TLE6: variants seen among roughly 807,000 people sequenced by gnomAD.
TLE6 encodes TLE family member 6, subcortical maternal complex member, also known as transducin-like enhancer protein 6.
TLE6 carries 72 observed loss-of-function variants against 77.1 expected under a neutral mutation model. The observed-to-expected ratio is 0.93, with a 90% CI of 0.77 to 1.14. TLE6 has a LOEUF of 1.14. Among genes scored for constraint, TLE6 ranks in the 50% most tolerant of loss-of-function variants. The pLI, the probability that TLE6 is intolerant of heterozygous loss-of-function variation, is 0.00. For missense variants in TLE6, 843 were observed against 747.6 expected (o/e 1.13, Z -1.49); for synonymous variants, 366 against 287.3 (o/e 1.27, Z -2.77).
chr19:2,984,837 A>G (rs563383548), intron 5 of TLE6, among the ~76,000 whole-genome samples: 5 of 152,230 alleles, frequency 3.3e-5, no homozygotes, highest in Admixed American at 2.6e-4. Flanking sequence ...TATTATTCCA[A>G]TTCTACTTGT....
chr19:2,988,645 G>C (rs1046809134), intron 11 of TLE6, among the ~76,000 whole-genome samples: 2 of 152,126 alleles, frequency 1.3e-5, no homozygotes, highest in African/African-American at 2.4e-5. Flanking sequence ...CCAACACTGG[G>C]CTCAAGGCAT....
At position 2,987,150 on chromosome 19, in the gene TLE6, G is replaced by A. The variant is rs778165067; in HGVS notation, c.453G>A (p.Glu151=). The part of the protein sequence containing the change: ...QPETQLFWDK[E]PWFWHDTLTE... ...AGACCCAGCTGTTCTGGGACAAGGA[G>A]CCTTGGTTTTGGCACGACACTCTGA... The change falls in exon 7 of 17, where the codon GAG becomes GAA. Residue 151 remains glutamate (E), a synonymous_variant. Coordinates refer to ENST00000246112, the MANE Select transcript of TLE6 (RefSeq NM_001143986.2). 6.2e-6 allele frequency: 10 copies of A among 1,614,090 alleles called. No homozygotes were observed. Among genetic ancestry groups the A allele is most frequent in the Non-Finnish European group, 8.5e-6 (10 of 1,180,040 alleles).
intron 13 of TLE6, among the ~76,000 whole-genome samples, chr19:2,991,600 GCAAGGGGAGGCCTAGGTGAGGC>G (rs566687307): frequency 0.03 from 4,577 of 150,682 alleles, 93 homozygotes; most frequent in Non-Finnish European, 0.047. Context: ...GGTGGAAGAG[GCAAGGGGAGGCCTAGGTGAGGC>G]CAAGGGGAGG....
rs369766984 is a variant in TLE6, at chr19:2,991,376, G to GTATATATATA, written c.1245-456_1245-447dup. ...TCCATTTCAAAAAAAAAAAAAATAC[G>GTATATATATA]TATATATATATATATATATACACAC... On this transcript the variant is annotated intron_variant, in intron 13 of 16. Coordinates refer to ENST00000246112, the MANE Select transcript of TLE6 (RefSeq NM_001143986.2). Among the ~76,000 whole-genome samples, 247 of 105,504 alleles carry GTATATATATA rather than the reference G, an allele frequency of 2.3e-3. 1 individual carries two copies. Among genetic ancestry groups the GTATATATATA allele is most frequent in the East Asian group, 0.011 (37 of 3,284 alleles). The allele number at this position is 105,504 out of a possible 152,430, so 69.2% of individuals were successfully genotyped here.
chr19:2,992,470 C>G (rs1431918700), intron 14 of TLE6, among the ~76,000 whole-genome samples: 1 of 151,944 alleles, frequency 6.6e-6, no homozygotes, highest in Non-Finnish European at 1.5e-5. Flanking sequence ...GAAACTCTGT[C>G]TCAAAAACAA....
At chr19:2,979,568 G>A (rs1876867966) in intron 2 of TLE6, among the ~76,000 whole-genome samples, 1 of 151,802 alleles carries the variant, frequency 6.6e-6, no homozygotes, top group Admixed American at 6.6e-5. Flanking sequence ...AAAATATTTT[G>A]TGCTTCTATT....
intron 5 of TLE6, among the ~76,000 whole-genome samples, chr19:2,982,594 A>C (rs1450313771): frequency 2.0e-5 from 3 of 148,640 alleles, no homozygotes; most frequent in Admixed American, 6.8e-5. Context: ...GACGAGGGGT[A>C]GGTCATGCTG....
intron 11 of TLE6, 93 bp from the exon 12 acceptor site, chr19:2,988,968 G>A (rs2088977695): frequency 1.3e-6 from 2 of 1,540,952 alleles, no homozygotes; most frequent in Non-Finnish European, 8.7e-7. Flanking sequence ...CCCAAAATCT[G>A]AAAAAGAAGC....
intron 2 of TLE6, among the ~76,000 whole-genome samples, 183 bp from the exon 3 acceptor site, chr19:2,979,917 T>G (rs563463384): frequency 1.1e-4 from 17 of 149,814 alleles, no homozygotes; most frequent in African/African-American, 3.7e-4. Flanking sequence ...TGAGCTGAGA[T>G]TGTGCCACTG....
chr19:2,987,720 C>A lies in TLE6; in HGVS notation c.559-4C>A. The A allele has an allele frequency of 6.2e-7, 1 of 1,614,124 alleles. No homozygotes were observed. Among genetic ancestry groups the A allele is most frequent in the Non-Finnish European group, 8.5e-7 (1 of 1,180,004 alleles). ...AGGCCTGATGAGACTTTTCCATTTT[C>A]CAGGGGCAGGAAAGCAAGGCACCAG... On this transcript the variant is annotated splice_polypyrimidine_tract_variant and splice_region_variant and intron_variant, in intron 8 of 16. Coordinates refer to ENST00000246112, the MANE Select transcript of TLE6 (RefSeq NM_001143986.2).
In TLE6 at chr19:2,987,240, TGA is replaced by T. The variant is rs779674054; in HGVS notation, c.541+4_541+5del. The T allele has an allele frequency of 2.5e-6, 4 of 1,614,032 alleles. No homozygotes were observed. Among genetic ancestry groups the T allele is most frequent in the Non-Finnish European group, 8.5e-7 (1 of 1,179,964 alleles). On this transcript the variant is annotated splice_donor_region_variant and intron_variant, in intron 7 of 16. Coordinates refer to ENST00000246112, the MANE Select transcript of TLE6 (RefSeq NM_001143986.2). ...AGAAGGCAAAGCCCAGAGACAGACG[TGA>T]GTGTCCCTGAGGGTGAGGGGGAAGG...
chr19:2,989,661 C>T lies in TLE6; in HGVS notation c.1120C>T (p.Gln374Ter), dbSNP rs756327021. ...GGCGCCCTCCCTGCATGTGAAGGAG[C>T]AGTTGCCCTGTGCAGGTCTCAACTG... ...LAAPSLHVKEQLPCAGLNCQA... is the reference protein window; with the variant it reads ...LAAPSLHVKE The change falls in exon 13 of 17, where the codon CAG becomes TAG. Residue 374 changes from glutamine to a stop codon, truncating the protein, a stop_gained. Transcript: ENST00000246112. LOFTEE classifies it high-confidence loss of function. 9.9e-6 allele frequency: 16 copies of T among 1,614,122 alleles called. No individual in the cohort carries two copies. The highest frequency in any genetic ancestry group is 4.0e-5 in the African/African-American group (3 of 74,956).
intron 5 of TLE6, among the ~76,000 whole-genome samples, chr19:2,983,441 A>G (rs2088840361): frequency 6.6e-6 from 1 of 152,032 alleles, no homozygotes; most frequent in East Asian, 1.9e-4. Context: ...GGCATGCGAG[A>G]AGGTGACATC....
chr19:2,981,717 T>A, intron 4 of TLE6, 134 bp downstream of exon 4: 1 of 985,332 alleles, frequency 1.0e-6, no homozygotes, highest in East Asian at 2.6e-5. Context: ...ACGCCTGTAA[T>A]CCCAGCACTA....
Position 2,993,533 on chromosome 19 carries a change from G to A in TLE6, c.1488G>A (p.Met496Ile), listed in dbSNP as rs2089134331. The part of the protein sequence containing the change: ...LQSTSGSQRH[M>I]VGQKDSVILS... ...GCACCAGCGGGAGCCAGCGGCACAT[G>A]GTGGGGCAAAAAGACAGCGTCATCC... The change falls in exon 15 of 17, where the codon ATG becomes ATA. Residue 496 changes from methionine (M) to isoleucine (I), a missense_variant. Coordinates refer to ENST00000246112, the MANE Select transcript of TLE6 (RefSeq NM_001143986.2). The A allele has an allele frequency of 4.4e-6, 7 of 1,589,654 alleles. No homozygotes were observed. Among genetic ancestry groups the A allele is most frequent in the African/African-American group, 1.3e-5 (1 of 74,220 alleles).
chr19:2,978,362 A>T (rs2088722382), intron 2 of TLE6, 78 bp downstream of exon 2: 1 of 1,466,210 alleles, frequency 6.8e-7, no homozygotes, highest in Admixed American at 2.0e-5. Context: ...TCCACCTGTG[A>T]CCTGGGCTGG....
At position 2,991,006 on chromosome 19, in the gene TLE6, T is replaced by TTACATACA. The variant is rs200186447; in HGVS notation, c.1245-806_1245-799dup. 2.8e-3 allele frequency among the ~76,000 whole-genome samples: 292 copies of TTACATACA among 103,164 alleles called. 1 individual carries two copies. The highest frequency in any genetic ancestry group is 3.6e-3 in the African/African-American group (102 of 28,478). The allele number at this position is 103,164 out of a possible 152,430, so 67.7% of individuals were successfully genotyped here. On this transcript the variant is annotated intron_variant, in intron 13 of 16. Coordinates refer to ENST00000246112, the MANE Select transcript of TLE6 (RefSeq NM_001143986.2). ...TGAGACTCTGACTCAAAAAAAAATT[T>TTACATACA]TACATACATACATACATACATACAT...
In TLE6 at chr19:2,989,742, G is replaced by A. The variant is rs1244151884; in HGVS notation, c.1201G>A (p.Gly401Ser). ...ANLAFASFTSGVVRIWDLRDQ... is the reference protein window; with the variant it reads ...ANLAFASFTSSVVRIWDLRDQ... ...CCTGGCCTTCGCCAGCTTCACCAGTGGTGTGGTCAGGATCTGGGACCTGCG... is the reference window on the plus strand; with the variant it reads ...CCTGGCCTTCGCCAGCTTCACCAGTAGTGTGGTCAGGATCTGGGACCTGCG... Residue 401 changes from glycine (G) to serine (S), a missense_variant, in exon 13 of 17, where the codon GGT becomes AGT. By Grantham distance (56) the Gly-to-Ser change is moderately conservative (BLOSUM62 0). Coordinates refer to ENST00000246112, the MANE Select transcript of TLE6 (RefSeq NM_001143986.2). The A allele has an allele frequency of 6.2e-7, 1 of 1,614,206 alleles. No individual in the cohort carries two copies. The highest frequency in any genetic ancestry group is 1.3e-5 in the African/African-American group (1 of 75,062).
intron 3 of TLE6, among the ~76,000 whole-genome samples, chr19:2,980,598 T>G (rs1307117499): frequency 1.3e-5 from 2 of 151,548 alleles, no homozygotes; most frequent in African/African-American, 4.9e-5. Flanking sequence ...CAGCCAGGCT[T>G]GGTGGTGGGT....
Sources: gnomAD v4.1 joint callset for allele counts (sites outside exome capture counted in the v4.1 genomes callset) on GRCh38, gnomAD v4.1.1 for gene constraint, MANE v1.5 for transcripts, NCBI Gene and HGNC (gene_info 2026-07-23, HGNC 2026-07-21) for gene names.